The following PCDHGA4 variants were observed in gnomAD, a reference collection of about 807,000 sequenced individuals.
PCDHGA4 encodes the protein protocadherin gamma subfamily A, 4.
In PCDHGA4, 38 loss-of-function variants were observed where a neutral mutation model predicts 54.6. That is an observed-to-expected ratio of 0.70 (90% confidence interval 0.54 to 0.91). PCDHGA4 has a LOEUF of 0.91. PCDHGA4 is among the 40% of genes least tolerant of loss of function. PCDHGA4 has a pLI of 0.00. For missense variants in PCDHGA4, 1,298 were observed against 1,220.9 expected (o/e 1.06, Z -0.94); for synonymous variants, 511 against 512.9 (o/e 1.00, Z 0.05).
intron 1 of PCDHGA4, chr5:141,392,432 T>C (rs2092535052): frequency 6.2e-6 from 1 of 160,182 alleles, no homozygotes; most frequent in African/African-American, 2.4e-5. Flanking sequence ...ATTCTTTGGC[T>C]GTTTCTTTTA....
intron 1 of PCDHGA4, chr5:141,419,373 T>C: frequency 1.9e-6 from 3 of 1,613,754 alleles, no homozygotes; most frequent in Non-Finnish European, 2.5e-6. Context: ...TCGTCCTACG[T>C]GTCCGTGAGC....
At chr5:141,500,615 A>G (rs1341597957) in intron 2 of PCDHGA4, among the ~76,000 whole-genome samples, 1 of 152,232 alleles carries the variant, frequency 6.6e-6, no homozygotes, top group East Asian at 1.9e-4. Flanking sequence ...ATTCCCAGTC[A>G]TACGGTACAT....
chr5:141,395,197 T>C, intron 1 of PCDHGA4: 1 of 1,614,012 alleles, frequency 6.2e-7, no homozygotes, highest in Non-Finnish European at 8.5e-7. Context: ...TTAACATCCG[T>C]AGATTTTCAT....
rs577323909 is a variant in PCDHGA4 at position 141,419,160 on chromosome 5, C to G, written c.2514+61539C>G. 13 of 1,613,956 alleles carry G rather than the reference C, an allele frequency of 8.1e-6. 1 individual carries two copies. In the South Asian group the frequency reaches 1.4e-4, roughly 18 times the overall value. On this transcript the variant is annotated intron_variant, in intron 1 of 3. Coordinates refer to ENST00000571252, the MANE Select transcript of PCDHGA4 (RefSeq NM_018917.4). ...GACAGGGGCAAGCCTCCGTTATCCT[C>G]CAGCAAAACCATAACCCTGCACATT...
rs1271891195 is a variant in PCDHGA4, at chr5:141,477,108, C to A, written c.2515-17699C>A. The A allele has an allele frequency of 2.5e-6, 4 of 1,614,232 alleles. No individual in the cohort carries two copies. Among genetic ancestry groups the A allele is most frequent in the Non-Finnish European group, 2.5e-6 (3 of 1,180,046 alleles). ...CAGGCCAAAGACAAGGGCGCCAATCCCGAAGGAGCACATTGCAAAGTGTTG... is the reference window on the plus strand; with the variant it reads ...CAGGCCAAAGACAAGGGCGCCAATCACGAAGGAGCACATTGCAAAGTGTTG... On this transcript the variant is annotated intron_variant, in intron 1 of 3. Coordinates refer to ENST00000571252, the MANE Select transcript of PCDHGA4 (RefSeq NM_018917.4). The surrounding 1 kb of genome is among the most constrained non-coding windows in gnomAD (Gnocchi z 4.9).
In PCDHGA4 at chr5:141,431,739, A is replaced by G; in HGVS notation, c.2515-63068A>G. 3.1e-6 allele frequency: 5 copies of G among 1,614,240 alleles called. No homozygotes were observed. Among genetic ancestry groups the G allele is most frequent in the Non-Finnish European group, 3.4e-6 (4 of 1,180,048 alleles). Reference sequence around the variant, plus strand: ...GTGCAAGCAATGGATAATGCAGGATATTCTGCGCGAGCCAAAGTCCTGATC... The same window carrying G: ...GTGCAAGCAATGGATAATGCAGGATGTTCTGCGCGAGCCAAAGTCCTGATC... On this transcript the variant is annotated intron_variant, in intron 1 of 3. Transcript: ENST00000571252. The surrounding 1 kb of genome is among the most constrained non-coding windows in gnomAD (Gnocchi z 4.8).
intron 1 of PCDHGA4, chr5:141,404,204 T>A: frequency 6.2e-7 from 1 of 1,613,718 alleles, no homozygotes; most frequent in Non-Finnish European, 8.5e-7. Context: ...AGCCTCAGAA[T>A]ATAATATCAC....
At chr5:141,410,338 C>T (rs1050053577) in intron 1 of PCDHGA4, 35 of 1,613,900 alleles carry the variant, frequency 2.2e-5, no homozygotes, top group Non-Finnish European at 2.2e-5. Context: ...TGGCCATTGC[C>T]TTGCGCCTGC....
chr5:141,371,950 C>A (rs749822569), intron 1 of PCDHGA4: 2 of 1,613,286 alleles, frequency 1.2e-6, no homozygotes, highest in South Asian at 2.2e-5. Flanking sequence ...GCGCAGCGAG[C>A]CTTCGACCAC....
intron 1 of PCDHGA4, among the ~76,000 whole-genome samples, chr5:141,359,737 A>G (rs1761307035): frequency 6.6e-6 from 1 of 152,224 alleles, no homozygotes; most frequent in African/African-American, 2.4e-5. Flanking sequence ...CCCCTGTGAA[A>G]GCATTTCTCC....
intron 1 of PCDHGA4, among the ~76,000 whole-genome samples, chr5:141,469,802 CATT>C (rs2099211643): frequency 6.6e-6 from 1 of 152,022 alleles, no homozygotes; most frequent in Admixed American, 6.6e-5. Context: ...ATTGCAAAAA[CATT>C]GTAGATAGAA....
intron 1 of PCDHGA4, among the ~76,000 whole-genome samples, chr5:141,483,722 C>G (rs1043315057): frequency 6.6e-6 from 1 of 152,080 alleles, no homozygotes; most frequent in Non-Finnish European, 1.5e-5. Context: ...TATTGGTTCC[C>G]ACCATAGTCA....
At chr5:141,407,875 A>G (rs957717882) in intron 1 of PCDHGA4, 8 of 361,396 alleles carry the variant, frequency 2.2e-5, no homozygotes, top group African/African-American at 8.4e-5. Context: ...AAGAATATAT[A>G]CATTTCGGAG....
intron 1 of PCDHGA4, among the ~76,000 whole-genome samples, chr5:141,488,554 T>C (rs1313975033): frequency 6.6e-6 from 1 of 152,064 alleles, no homozygotes; most frequent in African/African-American, 2.4e-5. Context: ...CAGCTGACAT[T>C]GAGATTTCCG....
At chr5:141,469,792 A>G (rs989190786) in intron 1 of PCDHGA4, among the ~76,000 whole-genome samples, 1 of 152,194 alleles carries the variant, frequency 6.6e-6, no homozygotes, top group African/African-American at 2.4e-5. Flanking sequence ...GTTATTTGTA[A>G]TTGCAAAAAC....
intron 1 of PCDHGA4, chr5:141,392,749 A>G (rs2092584642): frequency 6.9e-7 from 1 of 1,449,652 alleles, no homozygotes; most frequent in Admixed American, 2.8e-5. Flanking sequence ...AGCTGCGGCA[A>G]GAAACTAAAT....
chr5:141,380,114 G>T (rs1776224365), intron 1 of PCDHGA4, among the ~76,000 whole-genome samples: 1 of 151,828 alleles, frequency 6.6e-6, no homozygotes, highest in Non-Finnish European at 1.5e-5. Context: ...TGGCCAGGCT[G>T]GTCTCAAACT....
chr5:141,394,607 G>A (rs769750411), intron 1 of PCDHGA4: 17 of 1,613,530 alleles, frequency 1.1e-5, no homozygotes, highest in Non-Finnish European at 1.4e-5. Context: ...ACAGAGACTC[G>A]GGCCAGAACG....
chr5:141,405,587 G>T, intron 1 of PCDHGA4: 1 of 585,648 alleles, frequency 1.7e-6, no homozygotes, highest in Non-Finnish European at 3.0e-6. Flanking sequence ...TGGGACTACA[G>T]GCCTCCCAAG....
Sources: allele counts gnomAD v4.1 joint callset (sites outside exome capture counted in the v4.1 genomes callset), GRCh38; gene constraint gnomAD v4.1.1; non-coding constraint Gnocchi (gnomAD v3.1); transcripts MANE v1.5; gene names NCBI Gene and HGNC (gene_info 2026-07-23, HGNC 2026-07-21).